The following GSTM3 variants were observed in gnomAD, a reference collection of about 807,000 sequenced individuals.
GSTM3 encodes glutathione S-transferase mu 3, also known as GST class-mu 3.
GSTM3 carries 34 observed loss-of-function variants against 36.1 expected under a neutral mutation model. The observed-to-expected ratio is 0.94, with a 90% CI of 0.72 to 1.25. The LOEUF (loss-of-function observed/expected upper bound fraction) is 1.25, where lower values mean the gene tolerates loss of function less well. Ranked by LOEUF, GSTM3 falls within the 50% of genes most tolerant of loss-of-function variation. The pLI is 0.00. For missense variants in GSTM3, 266 were observed against 281.6 expected, an observed-to-expected ratio of 0.94 and a Z score of 0.40; for synonymous variants, 102 against 99.5, an observed-to-expected ratio of 1.03 and a Z score of -0.15.
chr1:109,740,232 G>C lies in GSTM3; in HGVS notation c.48+8C>G. Reference sequence around the variant, plus strand: ...ACCGAGCGGCTCTACCGTTGAGACGGCACTCACCCCACGAATATCCCAGTA... The same window carrying C: ...ACCGAGCGGCTCTACCGTTGAGACGCCACTCACCCCACGAATATCCCAGTA... On this transcript the variant is annotated splice_region_variant and intron_variant, in intron 2 of 8. Coordinates refer to ENST00000361066, the MANE Select transcript of GSTM3 (RefSeq NM_000849.5). The C allele has an allele frequency of 9.3e-6, 15 of 1,611,490 alleles. No individual in the cohort carries two copies. Among genetic ancestry groups the C allele is most frequent in the Non-Finnish European group, 1.3e-5 (15 of 1,178,050 alleles).
At position 109,738,446 on chromosome 1, in the gene GSTM3, C is replaced by A. The variant is rs1649273912; in HGVS notation, c.190-80G>T. ...CCTCTCTCTCCAGGGGAAAAGAACA[C>A]TTGCAGGGCAGTGAACAAGAGTGAG... On this transcript the variant is annotated intron_variant, in intron 4 of 8. Transcript: ENST00000361066. The A allele has an allele frequency of 5.6e-6, 5 of 898,736 alleles. No individual in the cohort carries two copies. The East Asian group carries it at 9.6e-5, about 17-fold the overall frequency. 55.7% of individuals were successfully genotyped at this position (898,736 alleles called of 1,614,324 possible). A position where few individuals can be genotyped will look rare whatever the true frequency, so the allele number is the denominator to read the frequency against.
chr1:109,736,773 C>T lies in GSTM3; in HGVS notation c.*298G>A, dbSNP rs970399489. On this transcript the variant is annotated 3_prime_UTR_variant, in exon 9 of 9. Coordinates refer to ENST00000361066, the MANE Select transcript of GSTM3 (RefSeq NM_000849.5). ...ACAGGGACTCCAGTCCCATTTAACA[C>T]ACCTGCTCTCTCCAACTGTGCAATC... is the stretch of plus-strand genomic sequence containing the variant. 2.7e-5 allele frequency: 9 copies of T among 333,832 alleles called. No individual in the cohort carries two copies. Among genetic ancestry groups the T allele is most frequent in the Non-Finnish European group, 2.2e-5 (4 of 178,858 alleles). The allele number at this position is 333,832 out of a possible 1,614,324, so 20.7% of individuals were successfully genotyped here. A position where few individuals can be genotyped will look rare whatever the true frequency, so the allele number is the denominator to read the frequency against.
chr1:109,737,102 A>G lies in GSTM3; in HGVS notation c.647T>C (p.Met216Thr). ...TACAGGCTTGTTGCCCCACTGGGCC[A>G]TCTTGTTGTTGATGGGCATCTTGCA... The part of the protein sequence containing the change: ...QFCKMPINNK[M>T]AQWGNKPVC The change falls in exon 9 of 9, where the codon ATG becomes ACG. Residue 216 changes from methionine to threonine, a missense_variant. Met to Thr is a moderately conservative substitution (Grantham distance 81, BLOSUM62 -1). Coordinates refer to ENST00000361066, the MANE Select transcript of GSTM3 (RefSeq NM_000849.5). The G allele has an allele frequency of 6.2e-7, 1 of 1,613,372 alleles. No homozygotes were observed. The highest frequency in any genetic ancestry group is 8.5e-7 in the Non-Finnish European group (1 of 1,179,284).
At chr1:109,739,741 G>A in intron 3 of GSTM3, 92 bp downstream of exon 3, 1 of 977,758 alleles carries the variant, frequency 1.0e-6, no homozygotes, top group Non-Finnish European at 1.6e-6. Flanking sequence ...GTCCCACCCG[G>A]CCTTGGCGCG....
At position 109,740,375 on chromosome 1, in the gene GSTM3, C is replaced by G; in HGVS notation, c.-88G>C. On this transcript the variant is annotated 5_prime_UTR_variant, in exon 2 of 9. Transcript: ENST00000361066. ...GACATAAGGGGGCGGGGCCCACGCG[C>G]GGGCGCCCTGACTCCGCCTCCGCCC... is the stretch of plus-strand genomic sequence containing the variant. The G allele has an allele frequency of 8.0e-7, 1 of 1,242,906 alleles. No homozygotes were observed. The highest frequency in any genetic ancestry group is 1.3e-5 in the South Asian group (1 of 76,460). The allele number at this position is 1,242,906 out of a possible 1,614,324, so 77.0% of individuals were successfully genotyped here.
Position 109,737,754 on chromosome 1 carries a change from G to C in GSTM3, c.373-3C>G. The C allele has an allele frequency of 6.5e-7, 1 of 1,539,234 alleles. No individual in the cohort carries two copies. The highest frequency in any genetic ancestry group is 1.7e-4 in the Middle Eastern group (1 of 5,832). On this transcript the variant is annotated splice_polypyrimidine_tract_variant and splice_region_variant and intron_variant, in intron 6 of 8. Transcript: ENST00000361066. ...AAGTACTGAGGCTTCAGTTTTTCCT[G>C]AGAGGAAAAAACAGAATGAGAATAG...
In GSTM3 at chr1:109,738,159, C is replaced by G. The variant is rs1173242154; in HGVS notation, c.304G>C (p.Asp102His). The G allele has an allele frequency of 6.2e-7, 1 of 1,613,658 alleles. No individual in the cohort carries two copies. Among genetic ancestry groups the G allele is most frequent in the East Asian group, 2.2e-5 (1 of 44,888 alleles). ...TCCATTACTTGGTTCTCTATGATGT[C>G]CACTCGAATCTTTTCTTCTTCAGTC... ...GETEEEKIRV[D>H]IIENQVMDFR... Residue 102 changes from aspartate (D) to histidine (H), a missense_variant, in exon 6 of 9, where the codon GAC becomes CAC. Physicochemically the swap from Asp to His is moderately conservative, Grantham distance 81. Coordinates refer to ENST00000361066, the MANE Select transcript of GSTM3 (RefSeq NM_000849.5).
chr1:109,739,439 T>C lies in GSTM3; in HGVS notation c.179A>G (p.Asp60Gly). 1.2e-6 allele frequency: 2 copies of C among 1,612,052 alleles called. No individual in the cohort carries two copies. The highest frequency in any genetic ancestry group is 1.7e-6 in the Non-Finnish European group (2 of 1,178,352). Residue 60 changes from aspartate (D) to glycine (G), a missense_variant, in exon 4 of 9, where the codon GAC (aspartate) becomes GGC (glycine). Transcript: ENST00000361066. ...ACTAAAGCCACTTACATTAGGAAAG[T>C]CCAGGTCTAGCTTGAATTTCACATC... ...WLDVKFKLDL[D>G]FPNLPYLLDG...
rs747271780 is a variant in GSTM3, at chr1:109,735,633, G to GAGTTTTTT, written c.*1437_*1438insAAAAAACT. The GAGTTTTTT allele has an allele frequency of 6.6e-5, 4 of 60,720 alleles. 1 individual carries two copies. Among genetic ancestry groups the GAGTTTTTT allele is most frequent in the African/African-American group, 9.8e-5 (2 of 20,374 alleles). 3.8% of individuals were successfully genotyped at this position (60,720 alleles called of 1,614,324 possible). ...CATCTTAGTATATGTCTCTTTGAAT[G>GAGTTTTTT]TTTTTTTTTTTTTTTTTTTTTTTTT... On this transcript the variant is annotated 3_prime_UTR_variant, in exon 9 of 9. Coordinates refer to ENST00000361066, the MANE Select transcript of GSTM3 (RefSeq NM_000849.5).
At chr1:109,739,597 G>T (rs1035374640) in intron 3 of GSTM3, 104 bp from the exon 4 acceptor site, 2 of 862,970 alleles carry the variant, frequency 2.3e-6, no homozygotes, top group African/African-American at 1.7e-5. Flanking sequence ...CAAATTCCCA[G>T]GCCCCAAAAG....
chr1:109,739,505 G>A lies in GSTM3; in HGVS notation c.125-12C>T, dbSNP rs2101352915. 1.2e-6 allele frequency: 2 copies of A among 1,602,470 alleles called. No homozygotes were observed. Among genetic ancestry groups the A allele is most frequent in the Non-Finnish European group, 8.5e-7 (1 of 1,170,628 alleles). ...ATCATAGTCAGGAGCTGTAAGAGACGGAATTAAGTGGGACCCAACCTCCTT... is the reference window on the plus strand; with the variant it reads ...ATCATAGTCAGGAGCTGTAAGAGACAGAATTAAGTGGGACCCAACCTCCTT... On this transcript the variant is annotated splice_polypyrimidine_tract_variant and intron_variant, in intron 3 of 8. Coordinates refer to ENST00000361066, the MANE Select transcript of GSTM3 (RefSeq NM_000849.5).
chr1:109,739,700 T>C (rs926438066), intron 3 of GSTM3, 133 bp downstream of exon 3: 38 of 719,376 alleles, frequency 5.3e-5, no homozygotes, highest in Non-Finnish European at 2.4e-5. Flanking sequence ...AGATAAAGGA[T>C]GTGTCTCTAT....
intron 4 of GSTM3, 149 bp downstream of exon 4, chr1:109,739,280 A>T: frequency 1.9e-6 from 1 of 538,204 alleles, no homozygotes; most frequent in Non-Finnish European, 3.4e-6. Context: ...ATACATATCC[A>T]TCCAGTTCAA....
At position 109,740,307 on chromosome 1, in the gene GSTM3, T is replaced by C. The variant is rs749376242; in HGVS notation, c.-20A>G. 1 of 1,611,044 alleles carries C rather than the reference T, an allele frequency of 6.2e-7. No individual in the cohort carries two copies. The highest frequency in any genetic ancestry group is 1.1e-5 in the South Asian group (1 of 90,798). On this transcript the variant is annotated 5_prime_UTR_variant, in exon 2 of 9. Transcript: ENST00000361066. ...CGACATGGTGACGGGCTTCCGAGCC[T>C]TCGAGGACTAGGGAAACTGTGAGCG...
In GSTM3 at chr1:109,736,741, A is replaced by G; in HGVS notation, c.*330T>C. ...AGTTTTACTTGTGTTATCCTCACCC[A>G]GTCTTCACAGGGACTCCAGTCCCAT... On this transcript the variant is annotated 3_prime_UTR_variant, in exon 9 of 9. Transcript: ENST00000361066. The G allele has an allele frequency of 4.2e-6, 1 of 240,844 alleles. No homozygotes were observed. The highest frequency in any genetic ancestry group is 6.8e-5 in the South Asian group (1 of 14,688). 14.9% of individuals were successfully genotyped at this position (240,844 alleles called of 1,614,324 possible).
At position 109,736,967 on chromosome 1, in the gene GSTM3, G is replaced by A. The variant is rs541054407; in HGVS notation, c.*104C>T. ...TTTATACCCAAGAGAAACTCAGCTG[G>A]ACACCAGTAACATAAGTGCTATTCA... On this transcript the variant is annotated 3_prime_UTR_variant, in exon 9 of 9. Transcript: ENST00000361066. 2.8e-5 allele frequency: 19 copies of A among 685,414 alleles called. No homozygotes were observed. Among genetic ancestry groups the A allele is most frequent in the Middle Eastern group, 3.5e-4 (1 of 2,828 alleles). The allele number at this position is 685,414 out of a possible 1,614,324, so 42.5% of individuals were successfully genotyped here.
chr1:109,740,409 G>A lies in GSTM3; in HGVS notation c.-122C>T. 3 of 812,460 alleles carry A rather than the reference G, an allele frequency of 3.7e-6. No homozygotes were observed. Among genetic ancestry groups the A allele is most frequent in the Non-Finnish European group, 4.0e-6 (2 of 504,902 alleles). 50.3% of individuals were successfully genotyped at this position (812,460 alleles called of 1,614,324 possible). ...TGACTCCGCCTCCGCCCCGTTCTCC[G>A]TCCCTTGCCTCCGCGGCTCCACAGG... On this transcript the variant is annotated 5_prime_UTR_variant, in exon 2 of 9. It adds an upstream start codon to the 5' untranslated region. Transcript: ENST00000361066.
At chr1:109,738,245 C>T (rs1368370285) in intron 5 of GSTM3, 40 bp downstream of exon 5, 1 of 1,601,966 alleles carries the variant, frequency 6.2e-7, no homozygotes, top group Admixed American at 1.7e-5. Flanking sequence ...CTCAGACAAA[C>T]TACCAGCCTG....
At chr1:109,738,815 A>G (rs1649285773) in intron 4 of GSTM3, among the ~76,000 whole-genome samples, 1 of 152,224 alleles carries the variant, frequency 6.6e-6, no homozygotes, top group Non-Finnish European at 1.5e-5. Flanking sequence ...CGCATGTTAT[A>G]GAATATGAAA....
Sources: gnomAD v4.1 joint callset for allele counts (sites outside exome capture counted in the v4.1 genomes callset) on GRCh38, gnomAD v4.1.1 for gene constraint, MANE v1.5 for transcripts, NCBI Gene and HGNC (gene_info 2026-07-23, HGNC 2026-07-21) for gene names.